The following CSMD1 variants were observed in gnomAD, a reference collection of about 807,000 sequenced individuals.
CSMD1 encodes the protein CUB and sushi domain-containing protein 1.
A neutral mutation model predicts 417.5 loss-of-function variants in CSMD1; 213 were observed. That is an observed-to-expected ratio of 0.51 (90% confidence interval 0.46 to 0.57). CSMD1 has a LOEUF of 0.57. Among genes scored for constraint, CSMD1 ranks in the 20% least tolerant of loss-of-function variants. The pLI is 0.00. For synonymous variants in CSMD1, 2,862 were observed against 1,736.8 expected (o/e 1.65, Z -16.11); for missense variants, 6,923 against 4,529.7 (o/e 1.53, Z -15.17).
chr8:4,444,502 TGACA>T (rs1798666993), intron 2 of CSMD1, among the ~76,000 whole-genome samples: 1 of 152,116 alleles, frequency 6.6e-6, no homozygotes, highest in Non-Finnish European at 1.5e-5. Flanking sequence ...GGATATATTT[TGACA>T]GACAAGTTTT....
intron 8 of CSMD1, among the ~76,000 whole-genome samples, chr8:3,597,290 T>C (rs1397154055): frequency 6.6e-6 from 1 of 152,140 alleles, no homozygotes; most frequent in Non-Finnish European, 1.5e-5. Context: ...CCTGGGCTGA[T>C]TCTGAAGCTG....
chr8:3,017,898 A>G (rs550891405), intron 52 of CSMD1, among the ~76,000 whole-genome samples: 17 of 151,860 alleles, frequency 1.1e-4, no homozygotes, highest in African/African-American at 3.1e-4. Flanking sequence ...ACAAATCACC[A>G]GCAGACCTAC....
intron 1 of CSMD1, among the ~76,000 whole-genome samples, chr8:4,847,745 T>C (rs1801226053): frequency 1.3e-5 from 2 of 151,850 alleles, no homozygotes; most frequent in South Asian, 4.2e-4. Flanking sequence ...GGACCGTTGG[T>C]CAGGTCTTCT....
In CSMD1 at chr8:3,361,841, G is replaced by A. The variant is rs75069854; in HGVS notation, c.3116-2501C>T. On this transcript the variant is annotated intron_variant, in intron 20 of 69. Coordinates refer to ENST00000635120, the MANE Select transcript of CSMD1 (RefSeq NM_033225.6). Reference sequence around the variant, plus strand: ...CCTCTGAAAGCAACTTAGAAGGACAGAAAGCCTGAAACAACACCATGAGGT... The same window carrying A: ...CCTCTGAAAGCAACTTAGAAGGACAAAAAGCCTGAAACAACACCATGAGGT... 8.1e-3 allele frequency among the ~76,000 whole-genome samples: 1,234 copies of A among 152,186 alleles called. 24 individuals are homozygous for A. Among genetic ancestry groups the A allele is most frequent in the African/African-American group, 0.028 (1,180 of 41,504 alleles).
At chr8:4,392,558 T>C (rs757821386) in intron 3 of CSMD1, among the ~76,000 whole-genome samples, 40 of 151,986 alleles carry the variant, frequency 2.6e-4, no homozygotes, top group Admixed American at 5.2e-4. Flanking sequence ...GAAACTTAAA[T>C]ATAAAAACTT....
intron 26 of CSMD1, among the ~76,000 whole-genome samples, chr8:3,237,481 A>G (rs903739700): frequency 2.7e-5 from 4 of 149,428 alleles, no homozygotes; most frequent in Admixed American, 2.0e-4. Flanking sequence ...AAAAACCACA[A>G]CTTTGCATAT....
At chr8:3,264,924 C>T (rs551102795) in intron 26 of CSMD1, among the ~76,000 whole-genome samples, 5 of 152,076 alleles carry the variant, frequency 3.3e-5, no homozygotes, top group South Asian at 2.1e-4. Flanking sequence ...TTGCTAACAT[C>T]GGTATAGCTT....
chr8:3,497,034 T>A (rs1796394505), intron 10 of CSMD1, among the ~76,000 whole-genome samples: 1 of 152,214 alleles, frequency 6.6e-6, no homozygotes, highest in African/African-American at 2.4e-5. Flanking sequence ...TTAAAAAATT[T>A]GTTGACCCTT....
intron 5 of CSMD1, among the ~76,000 whole-genome samples, chr8:3,925,273 G>A (rs1035648040): frequency 1.1e-4 from 17 of 152,292 alleles, no homozygotes; most frequent in African/African-American, 4.1e-4. Context: ...GTGCTTCAGC[G>A]ATTGCTACAA....
At chr8:3,471,456 T>A (rs1005264645) in intron 11 of CSMD1, among the ~76,000 whole-genome samples, 21 of 152,166 alleles carry the variant, frequency 1.4e-4, no homozygotes, top group African/African-American at 5.1e-4. Context: ...GGGCTTTCTA[T>A]ATATCAAGTT....
chr8:4,368,821 T>C (rs146170437), intron 3 of CSMD1, among the ~76,000 whole-genome samples: 107 of 152,276 alleles, frequency 7.0e-4, no homozygotes, highest in East Asian at 5.8e-3. Context: ...AGCTTTGTCA[T>C]TTCTAAGTGT....
In CSMD1 at chr8:3,033,367, T is replaced by A. The variant is rs542278459; in HGVS notation, c.7661-3854A>T. ...ATTGATGCTACAGATAAAGCATTGT[T>A]GTTCATGCACTACTGATTGTTAGAA... On this transcript the variant is annotated intron_variant, in intron 50 of 69. Transcript: ENST00000635120. Among the ~76,000 whole-genome samples the A allele has an allele frequency of 1.2e-3, 188 of 152,258 alleles. 2 individuals are homozygous for A. Among genetic ancestry groups the A allele is most frequent in the Admixed American group, 3.5e-3 (54 of 15,282 alleles).
chr8:4,903,889 G>A (rs372270657), intron 1 of CSMD1, among the ~76,000 whole-genome samples: 8 of 152,198 alleles, frequency 5.3e-5, no homozygotes, highest in South Asian at 2.1e-4. Flanking sequence ...CTTCAACGCC[G>A]ATAATGCATT....
At chr8:4,907,525 T>TG (rs386411936) in intron 1 of CSMD1, among the ~76,000 whole-genome samples, 6 of 76,132 alleles carry the variant, frequency 7.9e-5, no homozygotes, top group Non-Finnish European at 1.4e-4. Flanking sequence ...GGAAAAAAAA[T>TG]TTAAATTATT....
At chr8:3,733,978 G>C (rs147087220) in intron 6 of CSMD1, among the ~76,000 whole-genome samples, 2 of 152,052 alleles carry the variant, frequency 1.3e-5, no homozygotes, top group South Asian at 2.1e-4. Context: ...CAAGGATAAG[G>C]GGGGGATGTC....
chr8:3,544,667 C>A (rs534875322), intron 10 of CSMD1, among the ~76,000 whole-genome samples: 4 of 152,220 alleles, frequency 2.6e-5, no homozygotes, highest in African/African-American at 9.6e-5. Flanking sequence ...CCACTGCAGA[C>A]TTGCCTGGAG....
At chr8:3,484,473 C>G (rs941116040) in intron 11 of CSMD1, among the ~76,000 whole-genome samples, 1 of 152,152 alleles carries the variant, frequency 6.6e-6, no homozygotes, top group African/African-American at 2.4e-5. Flanking sequence ...ATATGTAAAA[C>G]TGTAAAACTT....
intron 26 of CSMD1, among the ~76,000 whole-genome samples, chr8:3,242,836 TAA>T (rs1379198390): frequency 1.3e-5 from 2 of 150,844 alleles, no homozygotes; most frequent in South Asian, 4.2e-4. Flanking sequence ...GGCGCAGATA[TAA>T]GAGGTCAGGG....
At chr8:3,007,187 T>C (rs1807991686) in intron 52 of CSMD1, among the ~76,000 whole-genome samples, 1 of 150,074 alleles carries the variant, frequency 6.7e-6, no homozygotes, top group East Asian at 1.9e-4. Context: ...TCATCATCAC[T>C]GGCCATCAGA....
Sources: allele counts gnomAD v4.1 joint callset (sites outside exome capture counted in the v4.1 genomes callset), GRCh38; gene constraint gnomAD v4.1.1; transcripts MANE v1.5; gene names NCBI Gene and HGNC (gene_info 2026-07-23, HGNC 2026-07-21).